PPARG: variants seen among roughly 807,000 people sequenced by gnomAD.
PPARG encodes the protein peroxisome proliferator-activated receptor gamma.
PPARG carries 17 observed loss-of-function variants against 39.2 expected under a neutral mutation model. That is an observed-to-expected ratio of 0.43 (90% CI 0.30 to 0.65). PPARG has a LOEUF of 0.65. Among genes scored for constraint, PPARG ranks in the 30% least tolerant of loss-of-function variants. The probability of loss-of-function intolerance (pLI) is 0.13; values close to 1 mark genes in which losing one functional copy is unlikely to be tolerated. For synonymous variants in PPARG, 223 were observed against 215.7 expected (o/e 1.03, Z -0.30); for missense variants, 406 against 585.9 (o/e 0.69, Z 3.17).
intron 7 of PPARG, among the ~76,000 whole-genome samples, chr3:12,425,462 G>T (rs1290208414): frequency 6.6e-6 from 1 of 152,116 alleles, no homozygotes; most frequent in East Asian, 1.9e-4. Context: ...GAGTAAGGAA[G>T]GGTAGGAGTT....
chr3:12,294,358 G>T (rs887619874), intron 1 of PPARG, among the ~76,000 whole-genome samples: 27 of 152,156 alleles, frequency 1.8e-4, no homozygotes, highest in African/African-American at 6.5e-4. Flanking sequence ...CACAGTTCAA[G>T]TTATGAGCTA....
intron 5 of PPARG, among the ~76,000 whole-genome samples, chr3:12,396,855 T>C (rs1193487592): frequency 6.6e-6 from 1 of 152,110 alleles, no homozygotes; most frequent in Admixed American, 6.5e-5. Context: ...AAGTTTAGGC[T>C]AAGTGCCCTT....
chr3:12,382,500 G>A (rs1385921167), intron 4 of PPARG, among the ~76,000 whole-genome samples: 1 of 152,194 alleles, frequency 6.6e-6, no homozygotes, highest in African/African-American at 2.4e-5. Context: ...TTTATTCAAC[G>A]TAAAGATACA....
chr3:12,399,570 G>T (rs1200086410), intron 5 of PPARG: 1 of 164,480 alleles, frequency 6.1e-6, no homozygotes, highest in African/African-American at 2.7e-5. Flanking sequence ...CCAGGCAAGA[G>T]AATGAGACCC....
chr3:12,314,278 AAATTAATT>A (rs17425935), intron 2 of PPARG, among the ~76,000 whole-genome samples: 38,011 of 151,494 alleles, frequency 0.25, 4,859 homozygotes, highest in East Asian at 0.32. Flanking sequence ...CCCTCTCAAA[AAATTAATT>A]AATTAATTAA....
chr3:12,420,453 C>T (rs1293196892), intron 7 of PPARG, among the ~76,000 whole-genome samples: 3 of 152,204 alleles, frequency 2.0e-5, no homozygotes, highest in East Asian at 1.9e-4. Context: ...GCAATTTATT[C>T]GAAAGTCTAT....
intron 2 of PPARG, among the ~76,000 whole-genome samples, chr3:12,334,284 G>A (rs558301323): frequency 2.7e-5 from 4 of 150,410 alleles, no homozygotes; most frequent in Non-Finnish European, 5.9e-5. Flanking sequence ...TGGCTGGAGT[G>A]CAGTGGTACG....
At position 12,416,721 on chromosome 3, in the gene PPARG, C is replaced by T. The variant is rs923921227; in HGVS notation, c.747C>T (p.Asp249=). The T allele has an allele frequency of 1.9e-6, 3 of 1,613,816 alleles. No homozygotes were observed. Among genetic ancestry groups the T allele is most frequent in the Non-Finnish European group, 2.5e-6 (3 of 1,179,834 alleles). Residue 249 remains aspartate, a synonymous_variant, in exon 7 of 8, where the codon GAC becomes GAT. Transcript: ENST00000651735. Reference sequence around the variant, plus strand: ...ATTTGCAGCCATTCGTTATCTATGACATGAATTCCTTAATGATGGGAGAAG... The same window carrying T: ...ATTTGCAGCCATTCGTTATCTATGATATGAATTCCTTAATGATGGGAGAAG... ...TTDKSPFVIY[D]MNSLMMGEDK...
intron 1 of PPARG, among the ~76,000 whole-genome samples, chr3:12,294,519 AC>A (rs2046728317): frequency 6.6e-6 from 1 of 152,208 alleles, no homozygotes; most frequent in Non-Finnish European, 1.5e-5. Flanking sequence ...AATGAGAGGA[AC>A]TTTTCAATCA....
intron 4 of PPARG, among the ~76,000 whole-genome samples, chr3:12,390,842 G>A (rs1269681081): frequency 6.6e-6 from 1 of 151,704 alleles, no homozygotes; most frequent in Non-Finnish European, 1.5e-5. Flanking sequence ...ATAGAGACAA[G>A]GTTTCACCTT....
chr3:12,295,310 A>G (rs1427004076), intron 1 of PPARG, among the ~76,000 whole-genome samples: 4 of 152,224 alleles, frequency 2.6e-5, no homozygotes, highest in Non-Finnish European at 5.9e-5. Context: ...AATGATGTCA[A>G]TATAAATGAA....
chr3:12,420,101 T>TACAC (rs1467777636), intron 7 of PPARG, among the ~76,000 whole-genome samples: 2 of 152,214 alleles, frequency 1.3e-5, no homozygotes, highest in Non-Finnish European at 2.9e-5. Flanking sequence ...GATACATACA[T>TACAC]ACACATATGT....
intron 2 of PPARG, among the ~76,000 whole-genome samples, chr3:12,372,638 A>C (rs1398938038): frequency 6.6e-6 from 1 of 152,208 alleles, no homozygotes; most frequent in Non-Finnish European, 1.5e-5. Context: ...CGTAAGGGAC[A>C]ACATAAAACC....
At chr3:12,307,097 C>CAA (rs11323214) in intron 1 of PPARG, among the ~76,000 whole-genome samples, 20,912 of 83,552 alleles carry the variant, frequency 0.25, 2,499 homozygotes, top group East Asian at 0.33. Flanking sequence ...GACTCCGTCT[C>CAA]AAAAAAAAAA....
chr3:12,355,603 G>T (rs1444383677), intron 2 of PPARG, among the ~76,000 whole-genome samples: 1 of 151,934 alleles, frequency 6.6e-6, no homozygotes, highest in Non-Finnish European at 1.5e-5. Flanking sequence ...AGATTTTGTA[G>T]ATTTCTAAAC....
At chr3:12,380,548 T>A (rs1437819239) in intron 3 of PPARG, among the ~76,000 whole-genome samples, 1 of 152,232 alleles carries the variant, frequency 6.6e-6, no homozygotes, top group Admixed American at 6.5e-5. Context: ...TTGATTTTTA[T>A]CATGTGTGGG....
At chr3:12,333,478 G>A (rs780771177) in intron 2 of PPARG, among the ~76,000 whole-genome samples, 11 of 151,880 alleles carry the variant, frequency 7.2e-5, no homozygotes, top group Admixed American at 2.0e-4. Context: ...TGTTGTTGTC[G>A]TTTTGAGACA....
rs138515843 is a variant in PPARG at position 12,415,641 on chromosome 3, T to A, written c.730-1063T>A. Among the ~76,000 whole-genome samples the A allele has an allele frequency of 2.7e-3, 407 of 152,358 alleles. 3 individuals are homozygous for A. Among genetic ancestry groups the A allele is most frequent in the African/African-American group, 9.5e-3 (396 of 41,580 alleles). On this transcript the variant is annotated intron_variant, in intron 6 of 7. Transcript: ENST00000651735. ...ATTGGGGCATGTATTTTATTGATTG[T>A]TTGACCTATAAGGACAGATATTTTA...
At chr3:12,399,899 A>G (rs551577687) in intron 5 of PPARG, among the ~76,000 whole-genome samples, 199 of 151,704 alleles carry the variant, frequency 1.3e-3, no homozygotes, top group Non-Finnish European at 2.1e-3. Context: ...CTGAGGCAGA[A>G]TGATTGCTTG....
Sources: gnomAD v4.1 joint callset for allele counts (sites outside exome capture counted in the v4.1 genomes callset) on GRCh38, gnomAD v4.1.1 for gene constraint, MANE v1.5 for transcripts, NCBI Gene and HGNC (gene_info 2026-07-23, HGNC 2026-07-21) for gene names.